Variants in COP1 observed in about 807,000 individuals in gnomAD.
COP1 encodes the protein COP1 E3 ubiquitin ligase, also known as E3 ubiquitin-protein ligase COP1.
Under a neutral mutation model 101.3 loss-of-function variants are expected in COP1, and 24 were observed. That is an observed-to-expected ratio of 0.24 (90% CI 0.17 to 0.33). The LOEUF (loss-of-function observed/expected upper bound fraction) is 0.33. Among genes scored for constraint, COP1 ranks in the 10% least tolerant of loss-of-function variants. The probability of loss-of-function intolerance (pLI) is 1.00; values close to 1 mark genes in which losing one functional copy is unlikely to be tolerated. For missense variants in COP1, 663 were observed against 906.2 expected (o/e 0.73, Z 3.45); for synonymous variants, 347 against 341.9 (o/e 1.01, Z -0.17).
intron 15 of COP1, among the ~76,000 whole-genome samples, chr1:176,024,683 A>G (rs1667372568): frequency 6.6e-6 from 1 of 152,212 alleles, no homozygotes; most frequent in South Asian, 2.1e-4. Flanking sequence ...ATATGATTCT[A>G]CGTGTAGAAA....
At chr1:175,980,861 C>A (rs564181836) in intron 18 of COP1, among the ~76,000 whole-genome samples, 1 of 152,246 alleles carries the variant, frequency 6.6e-6, no homozygotes, top group East Asian at 1.9e-4. Context: ...AGGGTATCTG[C>A]AGCCTCAAAA....
chr1:176,028,715 ATATATATATATAGTTT>A (rs1271201559), intron 14 of COP1, among the ~76,000 whole-genome samples: 2 of 133,716 alleles, frequency 1.5e-5, no homozygotes, highest in East Asian at 4.6e-4. Flanking sequence ...ATATATATAT[ATATATATATATAGTTT>A]TATATATATT....
intron 5 of COP1, among the ~76,000 whole-genome samples, chr1:176,151,746 T>A (rs1374804911): frequency 6.6e-6 from 1 of 152,224 alleles, no homozygotes; most frequent in Non-Finnish European, 1.5e-5. Flanking sequence ...ATCCTTCGGT[T>A]ATATGGCAAG....
At chr1:176,126,255 G>A (rs935269600) in intron 8 of COP1, among the ~76,000 whole-genome samples, 2 of 152,092 alleles carry the variant, frequency 1.3e-5, no homozygotes, top group Non-Finnish European at 1.5e-5. Flanking sequence ...TTAGTACTAC[G>A]TTGAGTAACA....
At chr1:176,036,893 G>A (rs1669651866) in intron 14 of COP1, among the ~76,000 whole-genome samples, 1 of 152,140 alleles carries the variant, frequency 6.6e-6, no homozygotes, top group Non-Finnish European at 1.5e-5. Flanking sequence ...AAGTGGAGGA[G>A]CATTTTATGG....
intron 6 of COP1, among the ~76,000 whole-genome samples, chr1:176,140,761 T>G (rs973112592): frequency 4.6e-5 from 7 of 152,164 alleles, no homozygotes; most frequent in African/African-American, 1.7e-4. Flanking sequence ...TTAGGAATGA[T>G]AATAAACTCC....
intron 11 of COP1, among the ~76,000 whole-genome samples, chr1:176,059,832 C>A (rs1674535539): frequency 6.6e-6 from 1 of 152,184 alleles, no homozygotes; most frequent in South Asian, 2.1e-4. Context: ...CATTTATGAA[C>A]ACTAGAATCT....
In COP1 at chr1:176,162,102, G is replaced by A. The variant is rs1694424337; in HGVS notation, c.762+767C>T. Reference sequence around the variant, plus strand: ...ACAGGCATAAGGGGCACAAAAGAAAGACTCTCAACAACATTCAAATCCCTA... The same window carrying A: ...ACAGGCATAAGGGGCACAAAAGAAAAACTCTCAACAACATTCAAATCCCTA... On this transcript the variant is annotated intron_variant, in intron 5 of 19. Coordinates refer to ENST00000367669, the MANE Select transcript of COP1 (RefSeq NM_022457.7). 3.3e-5 allele frequency among the ~76,000 whole-genome samples: 5 copies of A among 152,170 alleles called. No homozygotes were observed. The South Asian group carries it at 1.0e-3, about 31-fold the overall frequency.
intron 18 of COP1, among the ~76,000 whole-genome samples, chr1:175,953,197 C>T (rs993117824): frequency 1.6e-4 from 24 of 151,350 alleles, no homozygotes; most frequent in Admixed American, 1.2e-3. Context: ...AAAAGTTAAA[C>T]ATATTATAAA....
chr1:176,137,616 T>C (rs1690013591), intron 6 of COP1, among the ~76,000 whole-genome samples: 1 of 152,182 alleles, frequency 6.6e-6, no homozygotes, highest in Non-Finnish European at 1.5e-5. Context: ...CCAAAATCAT[T>C]CTGTAAGTGG....
intron 15 of COP1, among the ~76,000 whole-genome samples, chr1:176,013,310 A>C (rs1665020546): frequency 6.6e-6 from 1 of 152,340 alleles, no homozygotes; most frequent in Non-Finnish European, 1.5e-5. Context: ...AATACGGTTC[A>C]GAAATTTACT....
intron 9 of COP1, among the ~76,000 whole-genome samples, chr1:176,096,789 A>G (rs755900320): frequency 2.6e-5 from 4 of 152,174 alleles, no homozygotes; most frequent in Admixed American, 1.3e-4. Flanking sequence ...GCTGTAGCCA[A>G]TCTGGTCTGC....
intron 5 of COP1, among the ~76,000 whole-genome samples, chr1:176,157,559 T>C (rs934511266): frequency 6.6e-6 from 1 of 152,092 alleles, no homozygotes; most frequent in South Asian, 2.1e-4. Context: ...CTCAAAAAGG[T>C]TGTCTCAGTA....
chr1:176,138,379 A>T (rs1690129430), intron 6 of COP1, among the ~76,000 whole-genome samples: 1 of 152,140 alleles, frequency 6.6e-6, no homozygotes, highest in Non-Finnish European at 1.5e-5. Flanking sequence ...AAACCAGGGG[A>T]AATGACAGTA....
At chr1:176,054,963 G>A (rs1673196537) in intron 11 of COP1, among the ~76,000 whole-genome samples, 1 of 152,112 alleles carries the variant, frequency 6.6e-6, no homozygotes, top group African/African-American at 2.4e-5. Context: ...GGTCAATAAT[G>A]ACCTCTAAGT....
chr1:175,989,426 A>G lies in COP1; in HGVS notation c.1783T>C (p.Phe595Leu), dbSNP rs139905169. The change falls in exon 16 of 20, where the codon TTC (phenylalanine) becomes CTC (leucine). Residue 595 changes from phenylalanine (F) to leucine (L), a missense_variant. Physicochemically the swap from Phe to Leu is conservative, Grantham distance 22. This residue lies in a region of COP1 where 209 missense variants were observed against 383.3 expected (regional missense o/e 0.55). Transcript: ENST00000367669. Reference protein sequence around the residue: ...LRNTKQPIMVFKGHRKAVSYA... With the variant: ...LRNTKQPIMVLKGHRKAVSYA... The stretch of plus-strand genomic sequence containing the variant: ...GAGACTGCTTTACGGTGTCCTTTGA[A>G]TACCATGATTGGCTGTTTAGTGTTA... 2 of 1,610,926 alleles carry G rather than the reference A, an allele frequency of 1.2e-6. No individual in the cohort carries two copies. The highest frequency in any genetic ancestry group is 2.7e-5 in the African/African-American group (2 of 74,878).
At chr1:175,953,659 T>A (rs1650238559) in intron 18 of COP1, among the ~76,000 whole-genome samples, 1 of 151,152 alleles carries the variant, frequency 6.6e-6, no homozygotes, top group African/African-American at 2.4e-5. Flanking sequence ...CAAACATTAA[T>A]CGTAAGAAAG....
intron 11 of COP1, among the ~76,000 whole-genome samples, chr1:176,057,200 G>A (rs892800170): frequency 5.3e-5 from 8 of 152,290 alleles, no homozygotes; most frequent in Middle Eastern, 3.4e-3. Context: ...AGGTATACCT[G>A]CTATGTAGCT....
intron 14 of COP1, among the ~76,000 whole-genome samples, chr1:176,036,130 T>C (rs1669497910): frequency 6.6e-6 from 1 of 152,058 alleles, no homozygotes; most frequent in African/African-American, 2.4e-5. Context: ...CATGAAAACT[T>C]GGTTTCAAAT....
Sources: allele counts gnomAD v4.1 joint callset (sites outside exome capture counted in the v4.1 genomes callset), GRCh38; gene constraint gnomAD v4.1.1; regional missense constraint gnomAD v4.1.1; transcripts MANE v1.5; gene names NCBI Gene and HGNC (gene_info 2026-07-23, HGNC 2026-07-21).